The following PLXNA1 variants were observed in gnomAD, a reference collection of about 807,000 sequenced individuals.
The protein encoded by PLXNA1 is plexin-A1.
Under a neutral mutation model 191.7 loss-of-function variants are expected in PLXNA1, and 77 were observed. That is an observed-to-expected ratio of 0.40 (90% CI 0.33 to 0.49). The LOEUF is 0.49. PLXNA1 is among the 20% of genes least tolerant of loss of function. PLXNA1 has a pLI of 0.63. For synonymous variants in PLXNA1, 1,137 were observed against 1,156.4 expected (o/e 0.98, Z 0.34); for missense variants, 2,110 against 2,660.2 (o/e 0.79, Z 4.55).
rs534048902 is a variant in PLXNA1, at chr3:127,017,856, C to T, written c.3624C>T (p.Cys1208=). 9.9e-6 allele frequency: 16 copies of T among 1,612,692 alleles called. No individual in the cohort carries two copies. Among genetic ancestry groups the T allele is most frequent in the Admixed American group, 1.7e-5 (1 of 60,008 alleles). ...TLTVSETQLL[C]EAPNLTGQHK... Reference sequence around the variant, plus strand: ...CCGTGTCGGAGACGCAACTGCTGTGCGAGGCGCCCAACCTCACTGGGCAGC... The same window carrying T: ...CCGTGTCGGAGACGCAACTGCTGTGTGAGGCGCCCAACCTCACTGGGCAGC... The change falls in exon 19 of 32, where the codon TGC becomes TGT. Residue 1208 remains cysteine (C), a synonymous_variant. Transcript: ENST00000393409.
At position 127,014,806 on chromosome 3, in the gene PLXNA1, T is replaced by C. The variant is rs1401564465; in HGVS notation, c.2852T>C (p.Leu951Pro). ...VRDCSPHYRA[L>P]SPKRFTFVTP... ...GACTGCTCACCACACTACCGCGCCCTGTCACCCAAGCGCTTCACCTTCGTG... is the reference window on the plus strand; with the variant it reads ...GACTGCTCACCACACTACCGCGCCCCGTCACCCAAGCGCTTCACCTTCGTG... Residue 951 changes from leucine (L) to proline (P), a missense_variant, in exon 14 of 32, where the codon CTG (leucine) becomes CCG (proline). By Grantham distance (98) the Leu-to-Pro change is moderately conservative. This residue lies in a region of PLXNA1 where 644 missense variants were observed against 714.3 expected (regional missense o/e 0.90). Transcript: ENST00000393409. 2.5e-6 allele frequency: 4 copies of C among 1,612,690 alleles called. No individual in the cohort carries two copies. The highest frequency in any genetic ancestry group is 3.4e-6 in the Non-Finnish European group (4 of 1,179,882).
Position 127,029,667 on chromosome 3 carries a change from C to G in PLXNA1, c.4870+131C>G. On this transcript the variant is annotated intron_variant, in intron 27 of 31. Transcript: ENST00000393409. ...GCAGGTGTCAAGCCTGTCACTCGCACTCTTGGCCTTACCCTCCAGCTCTGG... is the reference window on the plus strand; with the variant it reads ...GCAGGTGTCAAGCCTGTCACTCGCAGTCTTGGCCTTACCCTCCAGCTCTGG... 5.4e-6 allele frequency: 6 copies of G among 1,121,138 alleles called. No homozygotes were observed. The South Asian group carries it at 6.9e-5, about 13-fold the overall frequency. The allele number at this position is 1,121,138 out of a possible 1,614,324, so 69.4% of individuals were successfully genotyped here. A position where few individuals can be genotyped will look rare whatever the true frequency, so the allele number is the denominator to read the frequency against.
intron 8 of PLXNA1, 27 bp downstream of exon 8, chr3:127,006,205 G>A (rs370785623): frequency 1.1e-5 from 17 of 1,557,462 alleles, no homozygotes; most frequent in Middle Eastern, 1.8e-4. Flanking sequence ...CCCTCCGCCC[G>A]CCTGGGCCTG....
At position 126,989,110 on chromosome 3, in the gene PLXNA1, C is replaced by T; in HGVS notation, c.517C>T (p.Leu173Phe). 6.2e-7 allele frequency: 1 copy of T among 1,612,998 alleles called. No individual in the cohort carries two copies. The highest frequency in any genetic ancestry group is 8.5e-7 in the Non-Finnish European group (1 of 1,179,966). ...VQEAGSMAGVLIAGPPGQGQA... is the reference protein window; with the variant it reads ...VQEAGSMAGVFIAGPPGQGQA... ...GGAGGCAGGCAGCATGGCGGGCGTG[C>T]TCATTGCCGGGCCACCGGGCCAGGG... Residue 173 changes from leucine (L) to phenylalanine (F), a missense_variant, in exon 2 of 32, where the codon CTC becomes TTC. Transcript: ENST00000393409.
At chr3:126,995,193 G>C (rs898129445) in intron 3 of PLXNA1, among the ~76,000 whole-genome samples, 1 of 152,182 alleles carries the variant, frequency 6.6e-6, no homozygotes, top group Non-Finnish European at 1.5e-5. Flanking sequence ...GGGTGCCCCT[G>C]TCCCCCCTCC....
At chr3:127,028,382 G>GCACA in intron 25 of PLXNA1, 42 bp downstream of exon 25, 1 of 1,581,356 alleles carries the variant, frequency 6.3e-7, no homozygotes, top group Admixed American at 1.8e-5. Flanking sequence ...GTGTGCTGGA[G>GCACA]CAGAGGGGCA....
rs573339489 is a variant in PLXNA1 at position 127,017,297 on chromosome 3, C to T, written c.3277-128C>T. 66 of 1,378,574 alleles carry T rather than the reference C, an allele frequency of 4.8e-5. 2 individuals are homozygous for T. The South Asian group carries it at 9.2e-4, about 19-fold the overall frequency. 85.4% of individuals were successfully genotyped at this position (1,378,574 alleles called of 1,614,324 possible). On this transcript the variant is annotated intron_variant, in intron 17 of 31. Coordinates refer to ENST00000393409, the MANE Select transcript of PLXNA1 (RefSeq NM_032242.4). ...TCCACGTCGGGTGGGTGGCCCAGGA[C>T]CAGCCCTGCTAGTGCCTGGCATCAT... is the stretch of plus-strand genomic sequence containing the variant.
intron 15 of PLXNA1, 26 bp downstream of exon 15, chr3:127,015,346 G>A (rs1249957792): frequency 1.9e-6 from 3 of 1,584,812 alleles, no homozygotes; most frequent in Non-Finnish European, 2.6e-6. Context: ...GGGGGTGGGG[G>A]CCTGGCTGCC....
At position 127,019,108 on chromosome 3, in the gene PLXNA1, G is replaced by A. The variant is rs151082048; in HGVS notation, c.3895+580G>A. Among the ~76,000 whole-genome samples the A allele has an allele frequency of 4.2e-4, 64 of 152,324 alleles. 1 individual carries two copies. The East Asian group carries it at 0.011, about 27-fold the overall frequency. On this transcript the variant is annotated intron_variant, in intron 20 of 31. Coordinates refer to ENST00000393409, the MANE Select transcript of PLXNA1 (RefSeq NM_032242.4). ...GGCAGAAATCTGTTCCATGCCGGGC[G>A]AGACTTTGAGCGTTTGCAGATAGTA...
At position 127,014,552 on chromosome 3, in the gene PLXNA1, C is replaced by T. The variant is rs754485822; in HGVS notation, c.2679C>T (p.Phe893=). The T allele has an allele frequency of 4.8e-5, 77 of 1,612,156 alleles. 1 individual carries two copies. The East Asian group carries it at 8.2e-4, about 17-fold the overall frequency. ...TITGENLGLR[F]EDVRLGVRVG... Reference sequence around the variant, plus strand: ...CAGGCGAGAACCTGGGCCTGCGATTCGAAGACGTGCGTCTGGGCGTGCGCG... The same window carrying T: ...CAGGCGAGAACCTGGGCCTGCGATTTGAAGACGTGCGTCTGGGCGTGCGCG... The change falls in exon 13 of 32, where the codon TTC becomes TTT. Residue 893 remains phenylalanine (F), a synonymous_variant. Coordinates refer to ENST00000393409, the MANE Select transcript of PLXNA1 (RefSeq NM_032242.4).
intron 27 of PLXNA1, 127 bp from the exon 28 acceptor site, chr3:127,029,747 T>C: frequency 8.5e-7 from 1 of 1,170,738 alleles, no homozygotes; most frequent in East Asian, 2.6e-5. Context: ...ACCTCTGTGG[T>C]GTCATCGGCT....
chr3:127,000,604 A>G (rs910756065), intron 3 of PLXNA1, among the ~76,000 whole-genome samples: 15 of 152,164 alleles, frequency 9.9e-5, no homozygotes, highest in African/African-American at 2.9e-4. Flanking sequence ...TTGCGGGTCC[A>G]GGGCCCAAGG....
chr3:127,021,302 C>G lies in PLXNA1; in HGVS notation c.4039-783C>G, dbSNP rs142353031. On this transcript the variant is annotated intron_variant, in intron 21 of 31. Transcript: ENST00000393409. ...CCATTTGCTGTGTCTGTCACACTGT[C>G]TCTCTCAGCTGTGACTGTGTATGTT... Among the ~76,000 whole-genome samples the G allele has an allele frequency of 3.4e-3, 518 of 152,328 alleles. 1 individual carries two copies. Among genetic ancestry groups the G allele is most frequent in the Non-Finnish European group, 5.6e-3 (381 of 68,022 alleles).
chr3:127,003,205 C>T (rs2079049051), intron 3 of PLXNA1, 125 bp from the exon 4 acceptor site: 1 of 1,095,512 alleles, frequency 9.1e-7, no homozygotes. Flanking sequence ...TGGCGCTGGT[C>T]CTCTCTGCTC....
At chr3:127,002,817 C>T (rs2079047273) in intron 3 of PLXNA1, among the ~76,000 whole-genome samples, 1 of 152,186 alleles carries the variant, frequency 6.6e-6, no homozygotes, top group African/African-American at 2.4e-5. Flanking sequence ...GAGACGCCCA[C>T]CCTCCTCCAC....
intron 10 of PLXNA1, 64 bp from the exon 11 acceptor site, chr3:127,013,956 C>G: frequency 6.9e-7 from 1 of 1,444,358 alleles, no homozygotes. Context: ...GCTTTGTGGG[C>G]GTGAGGCTTG....
chr3:127,034,211 A>G lies in PLXNA1; in HGVS notation c.*194A>G. ...CTGTGTGGAGGTGATGGTACCTGCC[A>G]CACCACAGCTGCGCACACAGCTGCT... On this transcript the variant is annotated 3_prime_UTR_variant, in exon 32 of 32. Coordinates refer to ENST00000393409, the MANE Select transcript of PLXNA1 (RefSeq NM_032242.4). 1 of 558,562 alleles carries G rather than the reference A, an allele frequency of 1.8e-6. No homozygotes were observed. Among genetic ancestry groups the G allele is most frequent in the Non-Finnish European group, 3.2e-6 (1 of 311,948 alleles). 34.6% of individuals were successfully genotyped at this position (558,562 alleles called of 1,614,324 possible). A position where few individuals can be genotyped will look rare whatever the true frequency, so the allele number is the denominator to read the frequency against.
intron 15 of PLXNA1, 131 bp from the exon 16 acceptor site, chr3:127,016,386 G>T: frequency 1.3e-6 from 1 of 761,056 alleles, no homozygotes; most frequent in Non-Finnish European, 2.2e-6. Flanking sequence ...AAGTAGCGGT[G>T]ATAGTATGCA....
rs904294582 is a variant in PLXNA1, at chr3:126,991,407, C to T, written c.1218C>T (p.Phe406=). 1.2e-6 allele frequency: 2 copies of T among 1,612,690 alleles called. No individual in the cohort carries two copies. Among genetic ancestry groups the T allele is most frequent in the African/African-American group, 2.7e-5 (2 of 74,946 alleles). The change falls in exon 3 of 32, where the codon TTC becomes TTT. Residue 406 remains phenylalanine (F), a synonymous_variant. Coordinates refer to ENST00000393409, the MANE Select transcript of PLXNA1 (RefSeq NM_032242.4). ...AGCCCCTGCAGATCGATGACGACTT[C>T]TGCGGGCAGGACTTCAACCAGCCCC... ...INSPLQIDDD[F]CGQDFNQPLG...
Sources: gnomAD v4.1 joint callset for allele counts (sites outside exome capture counted in the v4.1 genomes callset) on GRCh38, gnomAD v4.1.1 for gene constraint, gnomAD v4.1.1 regional missense constraint, MANE v1.5 for transcripts, NCBI Gene and HGNC (gene_info 2026-07-23, HGNC 2026-07-21) for gene names.